Variants in MARF1 observed in about 807,000 individuals in gnomAD.
MARF1 encodes meiosis regulator and mRNA stability factor 1.
MARF1 carries 24 observed loss-of-function variants against 168.2 expected under a neutral mutation model. That is an observed-to-expected ratio of 0.14 (90% CI 0.10 to 0.20). The LOEUF (loss-of-function observed/expected upper bound fraction) is 0.20, where lower values mean the gene tolerates loss of function less well. MARF1 is among the 10% of genes least tolerant of loss of function. The pLI, the probability that MARF1 is intolerant of heterozygous loss-of-function variation, is 1.00. For missense variants in MARF1, 1,744 were observed against 2,143.6 expected, an observed-to-expected ratio of 0.81 and a Z score of 3.68; for synonymous variants, 868 against 822.4, an observed-to-expected ratio of 1.06 and a Z score of -0.95.
At chr16:15,596,959 C>CA (rs2031772236) in intron 26 of MARF1, 22 bp from the exon 27 acceptor site, 1 of 1,581,288 alleles carries the variant, frequency 6.3e-7, no homozygotes, top group Non-Finnish European at 8.6e-7. Flanking sequence ...GAAAAGCAAA[C>CA]AGATTCAGAT....
intron 13 of MARF1, among the ~76,000 whole-genome samples, chr16:15,619,436 T>C (rs935192930): frequency 4.6e-5 from 7 of 151,166 alleles, no homozygotes; most frequent in Admixed American, 2.0e-4. Context: ...TTCTCTCCCC[T>C]GTTCCTGCCC....
chr16:15,630,775 T>C (rs2035198671), intron 6 of MARF1, among the ~76,000 whole-genome samples: 1 of 150,428 alleles, frequency 6.6e-6, no homozygotes. Context: ...ACTTAAACTT[T>C]AAAAATTATT....
chr16:15,612,939 T>C lies in MARF1; in HGVS notation c.3254-162A>G, dbSNP rs143794290. Among the ~76,000 whole-genome samples, 6 of 152,318 alleles carry C rather than the reference T, an allele frequency of 3.9e-5. No individual in the cohort carries two copies. In the East Asian group the frequency reaches 9.6e-4, roughly 24 times the overall value. On this transcript the variant is annotated intron_variant, in intron 16 of 26. Coordinates refer to ENST00000396368, the MANE Select transcript of MARF1 (RefSeq NM_014647.4). ...TCTCAGTTTCTATATTCAGGTCTCA[T>C]AGTCCAATAACTAGCTAACTAACTT...
intron 7 of MARF1, among the ~76,000 whole-genome samples, chr16:15,628,597 T>TG (rs1341090988): frequency 6.6e-6 from 1 of 152,026 alleles, no homozygotes. Context: ...TTAGTAGAGA[T>TG]GGGGTTTCGC....
chr16:15,639,921 T>G (rs866332225), intron 1 of MARF1, among the ~76,000 whole-genome samples: 1 of 152,252 alleles, frequency 6.6e-6, no homozygotes, highest in Non-Finnish European at 1.5e-5. Flanking sequence ...TCCATGAGTC[T>G]TGTTTCCTTT....
At chr16:15,599,154 T>TAAAAAAAAAAAAAAAAAAAAAA (rs565989147) in intron 25 of MARF1, 130 bp from the exon 26 acceptor site, 1 of 273,420 alleles carries the variant, frequency 3.7e-6, no homozygotes, top group South Asian at 4.3e-5. Context: ...TTTAAGGTAT[T>TAAAAAAAAAAAAAAAAAAAAAA]AAAAAAAAAA....
At chr16:15,626,014 C>T (rs942048637) in intron 7 of MARF1, among the ~76,000 whole-genome samples, 2 of 152,128 alleles carry the variant, frequency 1.3e-5, no homozygotes, top group African/African-American at 4.8e-5. Context: ...GTGGTGCATG[C>T]CTACAGTCCC....
rs2031598711 is a variant in MARF1, at chr16:15,595,564, C to G, written c.*1129G>C. The G allele has an allele frequency of 6.6e-6, 1 of 152,666 alleles. No homozygotes were observed. Among genetic ancestry groups the G allele is most frequent in the Non-Finnish European group, 1.5e-5 (1 of 68,058 alleles). 9.5% of individuals were successfully genotyped at this position (152,666 alleles called of 1,614,324 possible). ...GAGGAAGGCCATTCCACACCAGACG[C>G]CACAAGAAACCCAGAGATGCTTCCA... On this transcript the variant is annotated 3_prime_UTR_variant, in exon 27 of 27. Transcript: ENST00000396368.
At chr16:15,606,358 T>C (rs567405342) in intron 21 of MARF1, among the ~76,000 whole-genome samples, 2 of 152,268 alleles carry the variant, frequency 1.3e-5, no homozygotes, top group African/African-American at 2.4e-5. Flanking sequence ...AACCACCTGC[T>C]TTCCCTGAAC....
In MARF1 at chr16:15,610,984, G is replaced by A. The variant is rs1465421087; in HGVS notation, c.3742C>T (p.Pro1248Ser). Residue 1248 changes from proline to serine, a missense_variant, in exon 19 of 27, where the codon CCC (proline) becomes TCC (serine). By Grantham distance (74) the Pro-to-Ser change is moderately conservative (BLOSUM62 -1). Coordinates refer to ENST00000396368, the MANE Select transcript of MARF1 (RefSeq NM_014647.4). ...QQDNEMVICI[P>S]KRERTQDEIE... ...ATGTTAAGTCACATACCTCTTTTGG[G>A]GATACAAATCACCATTTCATTATCT... 37 of 1,613,186 alleles carry A rather than the reference G, an allele frequency of 2.3e-5. No individual in the cohort carries two copies. Among genetic ancestry groups the A allele is most frequent in the Non-Finnish European group, 3.1e-5 (37 of 1,179,492 alleles).
At chr16:15,598,535 A>G (rs1378627445) in intron 26 of MARF1, among the ~76,000 whole-genome samples, 1 of 152,118 alleles carries the variant, frequency 6.6e-6, no homozygotes, top group African/African-American at 2.4e-5. Context: ...GCCTGAGAGC[A>G]GCTGAACCTT....
rs941258503 is a variant in MARF1, at chr16:15,594,575, T to C, written c.*2118A>G. The C allele has an allele frequency of 2.0e-5, 3 of 152,612 alleles. No individual in the cohort carries two copies. In the East Asian group the frequency reaches 5.8e-4, roughly 29 times the overall value. The allele number at this position is 152,612 out of a possible 1,614,324, so 9.5% of individuals were successfully genotyped here. On this transcript the variant is annotated 3_prime_UTR_variant, in exon 27 of 27. Coordinates refer to ENST00000396368, the MANE Select transcript of MARF1 (RefSeq NM_014647.4). The stretch of plus-strand genomic sequence containing the variant: ...TTGGTGATAACTTTTGTCATTTTTT[T>C]AAACAGATAAATTTAATCCGGTATA...
chr16:15,611,572 T>C lies in MARF1; in HGVS notation c.3617+20A>G, dbSNP rs367754715. ...GTCCTAAAATATTTACTTTCATTTCTGTTCTTTTCATCAACTCACCAGTGA... is the reference window on the plus strand; with the variant it reads ...GTCCTAAAATATTTACTTTCATTTCCGTTCTTTTCATCAACTCACCAGTGA... On this transcript the variant is annotated intron_variant, in intron 18 of 26. Transcript: ENST00000396368. 11 of 1,608,606 alleles carry C rather than the reference T, an allele frequency of 6.8e-6. No individual in the cohort carries two copies. The African/African-American group carries it at 9.4e-5, about 14-fold the overall frequency.
At chr16:15,634,652 G>C (rs746847935) in intron 4 of MARF1, 105 bp downstream of exon 4, 6 of 1,106,774 alleles carry the variant, frequency 5.4e-6, no homozygotes, top group Non-Finnish European at 7.8e-6. Context: ...ATACACAGTA[G>C]CTTTAGAACC....
chr16:15,625,589 A>G lies in MARF1; in HGVS notation c.1736T>C (p.Ile579Thr), dbSNP rs748100673. The change falls in exon 8 of 27, where the codon ATT (isoleucine) becomes ACT (threonine). Residue 579 changes from isoleucine to threonine, a missense_variant. This residue lies in a region of MARF1 where 270 missense variants were observed against 260.6 expected (regional missense o/e 1.04). Coordinates refer to ENST00000396368, the MANE Select transcript of MARF1 (RefSeq NM_014647.4). ...ENEDVFGNRIIVSFTPKNREL... is the reference protein window; with the variant it reads ...ENEDVFGNRITVSFTPKNREL... ...TCTATTTTTTGGAGTAAATGACACA[A>G]TGATCCTATTACCAAAGACATCTTC... The G allele has an allele frequency of 1.5e-5, 25 of 1,614,142 alleles. No homozygotes were observed. In the Middle Eastern group the frequency reaches 1.5e-3, roughly 96 times the overall value.
chr16:15,642,240 A>C (rs756295574), intron 1 of MARF1, among the ~76,000 whole-genome samples: 1 of 152,184 alleles, frequency 6.6e-6, no homozygotes, highest in Non-Finnish European at 1.5e-5. Flanking sequence ...TCTTCTGTCC[A>C]AAACGGCCTT....
At chr16:15,624,739 C>CTT (rs1316842015) in intron 10 of MARF1, 30 bp downstream of exon 10, 1 of 1,599,072 alleles carries the variant, frequency 6.3e-7, no homozygotes, top group East Asian at 2.2e-5. Context: ...TACATGTAAC[C>CTT]ACCCCCATGG....
chr16:15,633,882 A>G (rs748398813), intron 4 of MARF1, 39 bp from the exon 5 acceptor site: 1 of 1,483,474 alleles, frequency 6.7e-7, no homozygotes, highest in Non-Finnish European at 9.3e-7. Context: ...TTGTAGTGGA[A>G]AATAAATGGC....
chr16:15,600,159 T>C (rs960449866), intron 25 of MARF1, among the ~76,000 whole-genome samples: 9 of 152,184 alleles, frequency 5.9e-5, no homozygotes, highest in Non-Finnish European at 1.0e-4. Context: ...AATTTTTTTC[T>C]TCAACATCTG....
Sources: gnomAD v4.1 joint callset for allele counts (sites outside exome capture counted in the v4.1 genomes callset) on GRCh38, gnomAD v4.1.1 for gene constraint, gnomAD v4.1.1 regional missense constraint, MANE v1.5 for transcripts, NCBI Gene and HGNC (gene_info 2026-07-23, HGNC 2026-07-21) for gene names.